Variants in CLIC5 observed in about 807,000 individuals in gnomAD.
CLIC5 encodes chloride intracellular channel protein 5.
CLIC5 carries 20 observed loss-of-function variants against 24.7 expected under a neutral mutation model. The ratio of observed to expected loss-of-function variants is 0.81; its 90% confidence interval spans 0.57 to 1.18. The LOEUF (loss-of-function observed/expected upper bound fraction) is 1.18, where lower values mean the gene tolerates loss of function less well. CLIC5 is among the 50% of genes most tolerant of loss of function. The pLI is 0.00. For missense variants in CLIC5, 341 were observed against 326.1 expected (o/e 1.05, Z -0.35); for synonymous variants, 159 against 135.6 (o/e 1.17, Z -1.20).
the CLIC5 span, among the ~76,000 whole-genome samples, chr6:46,101,806 C>T: frequency 3.3e-5 from 5 of 152,146 alleles, no homozygotes; most frequent in African/African-American, 1.2e-4. Context: ...ATGTAAAATG[C>T]AGGTTTAAAT....
chr6:46,087,527 A>C, the CLIC5 span, among the ~76,000 whole-genome samples: 4 of 152,034 alleles, frequency 2.6e-5, no homozygotes, highest in South Asian at 8.3e-4. Flanking sequence ...ACCCAACCCC[A>C]GCACCTGACT....
At chr6:45,985,449 C>T (rs898620132) in intron 1 of CLIC5, among the ~76,000 whole-genome samples, 1 of 152,138 alleles carries the variant, frequency 6.6e-6, no homozygotes, top group African/African-American at 2.4e-5. Context: ...AAAAAGCAGG[C>T]TCATCCCCAA....
intron 1 of CLIC5, among the ~76,000 whole-genome samples, chr6:45,970,699 A>T (rs1036178256): frequency 1.2e-4 from 18 of 152,298 alleles, no homozygotes; most frequent in African/African-American, 3.8e-4. Context: ...CATTTACAAG[A>T]GACAGATTGC....
intron 1 of CLIC5, among the ~76,000 whole-genome samples, chr6:45,972,149 G>T (rs997307370): frequency 7.9e-5 from 12 of 152,360 alleles, no homozygotes; most frequent in Admixed American, 1.3e-4. Context: ...GACTTTTACT[G>T]TATAGCGCTT....
intron 6 of CLIC5, among the ~76,000 whole-genome samples, chr6:45,882,745 G>A (rs1335558944): frequency 6.6e-6 from 1 of 152,130 alleles, no homozygotes; most frequent in Non-Finnish European, 1.5e-5. Flanking sequence ...AAAAATTAAT[G>A]GTATATCTGT....
intron 5 of CLIC5, among the ~76,000 whole-genome samples, chr6:45,905,266 A>G (rs1454528767): frequency 2.0e-5 from 3 of 152,194 alleles, no homozygotes; most frequent in Non-Finnish European, 2.9e-5. Context: ...TGCTTGGTCA[A>G]ATGATAGTTC....
At chr6:45,952,692 C>T (rs945646118) in intron 2 of CLIC5, among the ~76,000 whole-genome samples, 2 of 152,128 alleles carry the variant, frequency 1.3e-5, no homozygotes, top group Non-Finnish European at 2.9e-5. Flanking sequence ...GTGCTACATG[C>T]CTGGTCTACG....
intron 1 of CLIC5, among the ~76,000 whole-genome samples, chr6:46,043,708 A>G (rs1043804508): frequency 1.3e-5 from 2 of 152,204 alleles, no homozygotes; most frequent in African/African-American, 2.4e-5. Flanking sequence ...GATGGGAAGA[A>G]AGGAATGTCC....
At chr6:45,892,190 T>C (rs1350397444) in intron 6 of CLIC5, 5 of 152,228 alleles carry the variant, frequency 3.3e-5, no homozygotes, top group African/African-American at 4.8e-5. Context: ...CTAGCTCTTA[T>C]TGCTTATGAA....
At chr6:46,026,913 G>A (rs997987727) in intron 1 of CLIC5, among the ~76,000 whole-genome samples, 2 of 152,220 alleles carry the variant, frequency 1.3e-5, no homozygotes, top group African/African-American at 4.8e-5. Flanking sequence ...GAGATAACCA[G>A]AAGATGAGAT....
intron 3 of CLIC5, among the ~76,000 whole-genome samples, chr6:45,946,543 A>G (rs1257287191): frequency 2.0e-5 from 3 of 152,284 alleles, no homozygotes; most frequent in Middle Eastern, 3.4e-3. Flanking sequence ...ATGGCCGACC[A>G]GCGCTTGGTG....
chr6:45,896,080 C>T (rs1762390542), downstream of CLIC5, among the ~76,000 whole-genome samples: 1 of 152,088 alleles, frequency 6.6e-6, no homozygotes, highest in Non-Finnish European at 1.5e-5. Flanking sequence ...ATTGCAGGGC[C>T]TCAGGGTCAT....
chr6:46,096,980 T>G, the CLIC5 span: 2 of 152,254 alleles, frequency 1.3e-5, no homozygotes, highest in Non-Finnish European at 2.9e-5. Flanking sequence ...TGGGATATTC[T>G]ACATCTTCAT....
At chr6:46,046,412 A>C (rs962428189) in intron 1 of CLIC5, among the ~76,000 whole-genome samples, 1 of 152,218 alleles carries the variant, frequency 6.6e-6, no homozygotes, top group African/African-American at 2.4e-5. Flanking sequence ...ACCATTTCCC[A>C]AAACCAACCA....
intron 4 of CLIC5, among the ~76,000 whole-genome samples, chr6:45,929,122 C>T (rs770715245): frequency 6.6e-6 from 1 of 152,086 alleles, no homozygotes; most frequent in Non-Finnish European, 1.5e-5. Flanking sequence ...GCTCTCCCCA[C>T]CCCCTTCTCC....
upstream of CLIC5, among the ~76,000 whole-genome samples, chr6:46,017,201 G>A (rs1013817977): frequency 1.3e-5 from 2 of 152,020 alleles, no homozygotes; most frequent in African/African-American, 4.8e-5. Context: ...ACCAGAATCT[G>A]GTGGAATTCT....
intron 1 of CLIC5, among the ~76,000 whole-genome samples, chr6:46,073,040 T>C (rs1453394436): frequency 6.6e-6 from 1 of 152,186 alleles, no homozygotes; most frequent in African/African-American, 2.4e-5. Flanking sequence ...GCAGGCAGCC[T>C]TAGGAAGGTT....
intron 1 of CLIC5, among the ~76,000 whole-genome samples, chr6:46,026,910 C>A (rs753137848): frequency 4.6e-5 from 7 of 152,004 alleles, no homozygotes; most frequent in African/African-American, 7.3e-5. Flanking sequence ...GACGAGATAA[C>A]CAGAAGATGA....
chr6:46,081,891 T>C (rs75906577), upstream of CLIC5, among the ~76,000 whole-genome samples: 3,359 of 152,308 alleles, frequency 0.022, 128 homozygotes, highest in African/African-American at 0.076. Flanking sequence ...CAATCTTTTT[T>C]TCATGATCAC....
Sources: allele counts gnomAD v4.1 joint callset (sites outside exome capture counted in the v4.1 genomes callset), GRCh38; gene constraint gnomAD v4.1.1; transcripts MANE v1.5; gene names NCBI Gene and HGNC (gene_info 2026-07-23, HGNC 2026-07-21).